Variants in ROR1 observed in about 807,000 individuals in gnomAD.
ROR1 encodes the protein ROR family WNT receptor 1.
Under a neutral mutation model 78.8 loss-of-function variants are expected in ROR1, and 19 were observed. The ratio of observed to expected loss-of-function variants is 0.24; its 90% CI spans 0.17 to 0.35. The LOEUF (loss-of-function observed/expected upper bound fraction) is 0.35. Among genes scored for constraint, ROR1 ranks in the 10% least tolerant of loss-of-function variants. ROR1 has a pLI of 1.00. For synonymous variants in ROR1, 386 were observed against 433.6 expected (o/e 0.89, Z 1.36); for missense variants, 917 against 1,177.8 (o/e 0.78, Z 3.24).
intron 1 of ROR1, among the ~76,000 whole-genome samples, chr1:63,946,644 G>A (rs1033391212): frequency 6.6e-6 from 1 of 152,134 alleles, no homozygotes; most frequent in Non-Finnish European, 1.5e-5. Flanking sequence ...AGGCTCAGAG[G>A]GGTGAGATGA....
intron 1 of ROR1, among the ~76,000 whole-genome samples, chr1:63,936,482 G>A (rs1645795527): frequency 6.6e-6 from 1 of 152,146 alleles, no homozygotes; most frequent in Non-Finnish European, 1.5e-5. Context: ...TTGCTGGAAT[G>A]CTAACCTTCC....
intron 7 of ROR1, chr1:64,143,494 A>G: frequency 1.2e-6 from 1 of 822,156 alleles, no homozygotes; most frequent in East Asian, 1.2e-4. Context: ...ATAGTGGGAG[A>G]GTCAGGATGT....
intron 1 of ROR1, among the ~76,000 whole-genome samples, chr1:64,000,235 G>A (rs1646371755): frequency 6.6e-6 from 1 of 152,102 alleles, no homozygotes; most frequent in African/African-American, 2.4e-5. Flanking sequence ...GTTTGTTGAT[G>A]TCATTGGAAA....
At position 63,774,396 on chromosome 1, in the gene ROR1, C is replaced by T. The variant is rs1021414051; in HGVS notation, c.-22C>T. 1 of 1,255,812 alleles carries T rather than the reference C, an allele frequency of 8.0e-7. No homozygotes were observed. Among genetic ancestry groups the T allele is most frequent in the Non-Finnish European group, 1.0e-6 (1 of 994,106 alleles). The allele number at this position is 1,255,812 out of a possible 1,614,324, so 77.8% of individuals were successfully genotyped here. A position where few individuals can be genotyped will look rare whatever the true frequency, so the allele number is the denominator to read the frequency against. On this transcript the variant is annotated 5_prime_UTR_variant, in exon 1 of 9. Transcript: ENST00000371079. This position sits in a 1 kb window ranked among gnomAD's most constrained non-coding sequence, Gnocchi z 5.7. ...CGCGCGGCCTGGGAGCCGCCGCCGC[C>T]GCCGCCTCAGCGAGAGGAGGAATGC...
intron 8 of ROR1, among the ~76,000 whole-genome samples, chr1:64,166,193 T>C (rs1450056582): frequency 2.0e-5 from 3 of 152,244 alleles, no homozygotes; most frequent in African/African-American, 7.2e-5. Context: ...GCAATCTAAT[T>C]TCCGAGTTCT....
chr1:63,918,113 G>A (rs764734424), intron 1 of ROR1, among the ~76,000 whole-genome samples: 41 of 152,284 alleles, frequency 2.7e-4, no homozygotes, highest in Admixed American at 5.9e-4. Context: ...CGGGTGCCCC[G>A]GCACCTGCCG....
intron 4 of ROR1, among the ~76,000 whole-genome samples, chr1:64,065,202 T>G (rs1055534612): frequency 1.3e-5 from 2 of 152,290 alleles, no homozygotes; most frequent in Non-Finnish European, 2.9e-5. Flanking sequence ...GCACAAAAAC[T>G]AATAGACTAT....
chr1:63,840,379 G>A (rs1380160129), intron 1 of ROR1, among the ~76,000 whole-genome samples: 1 of 150,974 alleles, frequency 6.6e-6, no homozygotes, highest in Non-Finnish European at 1.5e-5. Context: ...TCCGGGGTTC[G>A]AGTGAGTCTC....
chr1:64,036,973 T>C lies in ROR1; in HGVS notation c.164-12718T>C, dbSNP rs555525292. Among the ~76,000 whole-genome samples the C allele has an allele frequency of 6.6e-5, 10 of 152,300 alleles. 1 individual carries two copies. Among genetic ancestry groups the C allele is most frequent in the African/African-American group, 2.4e-4 (10 of 41,562 alleles). On this transcript the variant is annotated intron_variant, in intron 2 of 8. Transcript: ENST00000371079. ...CAGCTGGGGCTGTTTCACACACAAG[T>C]GTTGTTTGCACAAGAGATGTCCAAG...
At chr1:64,073,266 TC>T (rs1371527493) in intron 4 of ROR1, among the ~76,000 whole-genome samples, 1 of 151,734 alleles carries the variant, frequency 6.6e-6, no homozygotes, top group Non-Finnish European at 1.5e-5. Context: ...CACTTGGGGG[TC>T]CTCATTCTTG....
chr1:64,023,654 T>C (rs1046459096), intron 2 of ROR1, among the ~76,000 whole-genome samples: 2 of 152,244 alleles, frequency 1.3e-5, no homozygotes, highest in African/African-American at 4.8e-5. Flanking sequence ...ATACTGTTTG[T>C]CTTTTTAATG....
chr1:63,982,269 C>G (rs1269557803), intron 1 of ROR1, among the ~76,000 whole-genome samples: 1 of 151,554 alleles, frequency 6.6e-6, no homozygotes, highest in African/African-American at 2.4e-5. Flanking sequence ...ACCACATTGC[C>G]TATAAAATGG....
At chr1:64,017,343 A>T (rs1319461380) in intron 2 of ROR1, among the ~76,000 whole-genome samples, 1 of 152,150 alleles carries the variant, frequency 6.6e-6, no homozygotes, top group Non-Finnish European at 1.5e-5. Context: ...AGCATGCAAC[A>T]TGAAAATCAG....
intron 4 of ROR1, among the ~76,000 whole-genome samples, chr1:64,076,401 G>A (rs1257268817): frequency 1.3e-5 from 2 of 152,106 alleles, no homozygotes; most frequent in Non-Finnish European, 2.9e-5. Context: ...CACCTTCAGG[G>A]ATTATACAAA....
chr1:64,057,082 A>G (rs1296959345), intron 4 of ROR1, among the ~76,000 whole-genome samples: 1 of 152,198 alleles, frequency 6.6e-6, no homozygotes, highest in Admixed American at 6.5e-5. Context: ...ATGCAAGCGT[A>G]CAAAGATTTA....
At chr1:63,877,572 G>A (rs1276039425) in intron 1 of ROR1, among the ~76,000 whole-genome samples, 1 of 152,100 alleles carries the variant, frequency 6.6e-6, no homozygotes, top group Non-Finnish European at 1.5e-5. Flanking sequence ...GGCATTTTCA[G>A]GAAGGTAGCA....
At chr1:64,117,893 G>T (rs990987981) in intron 4 of ROR1, among the ~76,000 whole-genome samples, 1 of 152,170 alleles carries the variant, frequency 6.6e-6, no homozygotes, top group Non-Finnish European at 1.5e-5. Flanking sequence ...CACGCATTTT[G>T]TCTTCATACA....
At chr1:64,120,195 C>A (rs1294183748) in intron 4 of ROR1, among the ~76,000 whole-genome samples, 1 of 151,588 alleles carries the variant, frequency 6.6e-6, no homozygotes, top group Non-Finnish European at 1.5e-5. Context: ...ATCCAGAGAG[C>A]AGGATTCTTT....
chr1:64,028,408 A>G (rs891411548), intron 2 of ROR1, among the ~76,000 whole-genome samples: 10 of 152,206 alleles, frequency 6.6e-5, no homozygotes, highest in Non-Finnish European at 1.3e-4. Context: ...TACAGGATGC[A>G]TGGGCGTTTG....
Sources: allele counts gnomAD v4.1 joint callset (sites outside exome capture counted in the v4.1 genomes callset), GRCh38; gene constraint gnomAD v4.1.1; non-coding constraint Gnocchi (gnomAD v3.1); transcripts MANE v1.5; gene names NCBI Gene and HGNC (gene_info 2026-07-23, HGNC 2026-07-21).